The following DR1 variants were observed in gnomAD, a reference collection of about 807,000 sequenced individuals.
DR1 encodes the protein down-regulator of transcription 1, also known as protein Dr1.
In DR1, 7 loss-of-function variants were observed where a neutral mutation model predicts 19.9. That is an observed-to-expected ratio of 0.35 (90% CI 0.20 to 0.66). DR1 has a LOEUF of 0.66. Among genes scored for constraint, DR1 ranks in the 30% least tolerant of loss-of-function variants. DR1 has a pLI of 0.66. For missense variants in DR1, 98 were observed against 203.7 expected (o/e 0.48, Z 3.16); for synonymous variants, 76 against 72.5 (o/e 1.05, Z -0.24).
chr1:93,354,422 G>A (rs932902510), intron 2 of DR1, among the ~76,000 whole-genome samples: 11 of 152,084 alleles, frequency 7.2e-5, no homozygotes, highest in Non-Finnish European at 4.4e-5. Context: ...TGACATACCA[G>A]CAAAATCTGA....
Position 93,365,829 on chromosome 1 carries a change from T to C in DR1, c.*5190T>C, listed in dbSNP as rs1667121625. 6.6e-6 allele frequency: 1 copy of C among 152,364 alleles called. No homozygotes were observed. The highest frequency in any genetic ancestry group is 1.5e-5 in the Non-Finnish European group (1 of 68,040). 9.4% of individuals were successfully genotyped at this position (152,364 alleles called of 1,614,324 possible). A position where few individuals can be genotyped will look rare whatever the true frequency, so the allele number is the denominator to read the frequency against. On this transcript the variant is annotated 3_prime_UTR_variant, in exon 3 of 3. Coordinates refer to ENST00000370272, the MANE Select transcript of DR1 (RefSeq NM_001938.3). ...ATAAATCTCTGTACCTGCTTGCTGCTTTTCTACCTCATTGTTAGCCACACC... is the reference window on the plus strand; with the variant it reads ...ATAAATCTCTGTACCTGCTTGCTGCCTTTCTACCTCATTGTTAGCCACACC...
rs1412865390 is a variant in DR1, at chr1:93,364,939, C to A, written c.*4300C>A. 1 of 148,450 alleles carries A rather than the reference C, an allele frequency of 6.7e-6. No individual in the cohort carries two copies. The highest frequency in any genetic ancestry group is 6.8e-5 in the Admixed American group (1 of 14,626). The allele number at this position is 148,450 out of a possible 1,614,324, so 9.2% of individuals were successfully genotyped here. A position where few individuals can be genotyped will look rare whatever the true frequency, so the allele number is the denominator to read the frequency against. ...CGCGATCTCGGCTCACTGCAAGCTC[C>A]GCCTCCCGGGTTCACGCCATTCTCC... is the stretch of plus-strand genomic sequence containing the variant. On this transcript the variant is annotated 3_prime_UTR_variant, in exon 3 of 3. Coordinates refer to ENST00000370272, the MANE Select transcript of DR1 (RefSeq NM_001938.3).
Position 93,360,772 on chromosome 1 carries a change from T to C in DR1, c.*133T>C. 6.0e-6 allele frequency: 6 copies of C among 998,828 alleles called. No individual in the cohort carries two copies. Among genetic ancestry groups the C allele is most frequent in the Non-Finnish European group, 8.6e-6 (6 of 697,678 alleles). 61.9% of individuals were successfully genotyped at this position (998,828 alleles called of 1,614,324 possible). A position where few individuals can be genotyped will look rare whatever the true frequency, so the allele number is the denominator to read the frequency against. ...TCATTGGTATTCTAGGGATGTCTGC[T>C]ATTAAGTTTCATCTATTGTGTGCTA... is the stretch of plus-strand genomic sequence containing the variant. On this transcript the variant is annotated 3_prime_UTR_variant, in exon 3 of 3. Coordinates refer to ENST00000370272, the MANE Select transcript of DR1 (RefSeq NM_001938.3).
Position 93,348,778 on chromosome 1 carries a change from A to G in DR1, c.220+1913A>G, listed in dbSNP as rs3767961. ...TTACCTTTTTTTCTTGTATTATGCT[A>G]TTCTTAAAAGTGGTTAAGAATCTAC... On this transcript the variant is annotated intron_variant, in intron 1 of 2. Transcript: ENST00000370272. Among the ~76,000 whole-genome samples the G allele has an allele frequency of 2.4e-4, 36 of 152,112 alleles. 1 individual carries two copies. In the East Asian group the frequency reaches 6.2e-3, roughly 26 times the overall value.
intron 2 of DR1, among the ~76,000 whole-genome samples, chr1:93,358,937 C>T (rs534392006): frequency 5.5e-4 from 84 of 152,212 alleles, no homozygotes; most frequent in Admixed American, 1.6e-3. Flanking sequence ...CAGGAAATTT[C>T]ACATAGGATG....
At position 93,363,469 on chromosome 1, in the gene DR1, T is replaced by C. The variant is rs1415213676; in HGVS notation, c.*2830T>C. 1 of 152,196 alleles carries C rather than the reference T, an allele frequency of 6.6e-6. No individual in the cohort carries two copies. Among genetic ancestry groups the C allele is most frequent in the East Asian group, 1.9e-4 (1 of 5,200 alleles). 9.4% of individuals were successfully genotyped at this position (152,196 alleles called of 1,614,324 possible). ...CAAAGTATCAGCAGGGTTGGCTCTT[T>C]ATTGAGGTTGTGAGGGAGAATGTTT... is the stretch of plus-strand genomic sequence containing the variant. On this transcript the variant is annotated 3_prime_UTR_variant, in exon 3 of 3. Transcript: ENST00000370272.
Position 93,367,346 on chromosome 1 carries a change from C to T in DR1, c.*6707C>T, listed in dbSNP as rs1220028085. On this transcript the variant is annotated 3_prime_UTR_variant, in exon 3 of 3. Transcript: ENST00000370272. ...GGGCTTGCTGAGTGCTTTCATACTG[C>T]ATCATTTATTGTGCATTTGTATGAT... 1.3e-5 allele frequency: 2 copies of T among 152,112 alleles called. No homozygotes were observed. Among genetic ancestry groups the T allele is most frequent in the African/African-American group, 2.4e-5 (1 of 41,410 alleles). The allele number at this position is 152,112 out of a possible 1,614,324, so 9.4% of individuals were successfully genotyped here.
chr1:93,351,645 A>G (rs1666914171), intron 1 of DR1, among the ~76,000 whole-genome samples: 1 of 151,960 alleles, frequency 6.6e-6, no homozygotes, highest in Admixed American at 6.6e-5. Context: ...CATGTGGGCC[A>G]GGCTTGTCTC....
rs1232879672 is a variant in DR1 at position 93,353,215 on chromosome 1, A to G, written c.221-693A>G. ...TAGCCCATTTTTTTTTCCTTATAAA[A>G]TTTCCTTTCTAAATACGAAAAGGGG... On this transcript the variant is annotated intron_variant, in intron 1 of 2. Coordinates refer to ENST00000370272, the MANE Select transcript of DR1 (RefSeq NM_001938.3). Among the ~76,000 whole-genome samples the G allele has an allele frequency of 2.0e-5, 3 of 152,150 alleles. No individual in the cohort carries two copies. The South Asian group carries it at 6.2e-4, about 32-fold the overall frequency.
chr1:93,350,600 A>G (rs1666903160), intron 1 of DR1, among the ~76,000 whole-genome samples: 2 of 152,214 alleles, frequency 1.3e-5, no homozygotes, highest in Non-Finnish European at 2.9e-5. Context: ...GTAAAATAAG[A>G]TAAGCCTATA....
chr1:93,356,792 G>C (rs771458), intron 2 of DR1, among the ~76,000 whole-genome samples: 30,788 of 150,982 alleles, frequency 0.2, 3,415 homozygotes, highest in East Asian at 0.31. Flanking sequence ...TGCTATCTCG[G>C]CTCATTGCAA....
At position 93,346,084 on chromosome 1, in the gene DR1, C is replaced by CCAGCAGCGGCAGCGGCAG. The variant is rs1666829202; in HGVS notation, c.-560_-543dup. 4.7e-6 allele frequency: 1 copy of CCAGCAGCGGCAGCGGCAG among 212,486 alleles called. No individual in the cohort carries two copies. Among genetic ancestry groups the CCAGCAGCGGCAGCGGCAG allele is most frequent in the Non-Finnish European group, 9.3e-6 (1 of 107,504 alleles). 13.2% of individuals were successfully genotyped at this position (212,486 alleles called of 1,614,324 possible). On this transcript the variant is annotated 5_prime_UTR_variant, in exon 1 of 3. Coordinates refer to ENST00000370272, the MANE Select transcript of DR1 (RefSeq NM_001938.3). ...TAGTTCCCAGGCGGCCGTCGCCGTT[C>CCAGCAGCGGCAGCGGCAG]CAGCAGCGGCAGCGGCAGCGGCAGC...
intron 1 of DR1, among the ~76,000 whole-genome samples, chr1:93,350,738 C>G (rs1666904849): frequency 6.6e-6 from 1 of 151,942 alleles, no homozygotes; most frequent in East Asian, 1.9e-4. Flanking sequence ...ACACCATGGA[C>G]TTTTCTGGTT....
intron 1 of DR1, among the ~76,000 whole-genome samples, chr1:93,350,279 AAG>A (rs1666900479): frequency 6.6e-6 from 1 of 152,158 alleles, no homozygotes; most frequent in South Asian, 2.1e-4. Context: ...ATTGTTGTCC[AAG>A]ATTTCCAGTA....
rs1666836973 is a variant in DR1 at position 93,346,346 on chromosome 1, G to T, written c.-300G>T. 2.4e-6 allele frequency: 1 copy of T among 417,786 alleles called. No homozygotes were observed. The highest frequency in any genetic ancestry group is 3.7e-5 in the Admixed American group (1 of 27,014). The allele number at this position is 417,786 out of a possible 1,614,324, so 25.9% of individuals were successfully genotyped here. On this transcript the variant is annotated 5_prime_UTR_variant, in exon 1 of 3. In the 5' UTR this introduces an upstream ATG that the reference lacks. Transcript: ENST00000370272. ...GCCCGCCCCTCTGAGGAGACACGAA[G>T]GTGGTTCCCCAGCCGCTCAAATTTC...
chr1:93,357,203 T>C (rs1666997393), intron 2 of DR1, among the ~76,000 whole-genome samples: 3 of 152,242 alleles, frequency 2.0e-5, no homozygotes, highest in Non-Finnish European at 4.4e-5. Flanking sequence ...GAAGTTTTTG[T>C]TTACTGTAAA....
rs1362327004 is a variant in DR1, at chr1:93,363,983, G to A, written c.*3344G>A. The A allele has an allele frequency of 1.3e-5, 2 of 152,196 alleles. No homozygotes were observed. The highest frequency in any genetic ancestry group is 2.9e-5 in the Non-Finnish European group (2 of 68,024). The allele number at this position is 152,196 out of a possible 1,614,324, so 9.4% of individuals were successfully genotyped here. On this transcript the variant is annotated 3_prime_UTR_variant, in exon 3 of 3. Transcript: ENST00000370272. Reference sequence around the variant, plus strand: ...TTCTTATACATGTCTTTTGGTGAGTGTATACATTTCCATTGAGTATAAACC... The same window carrying A: ...TTCTTATACATGTCTTTTGGTGAGTATATACATTTCCATTGAGTATAAACC...
rs1184365300 is a variant in DR1, at chr1:93,366,372, CTGTT to C, written c.*5736_*5739del. Reference sequence around the variant, plus strand: ...TCTGTGAACGTGGGTATACAAATAACTGTTTGAGTCCTAATAGGCTTGTTATTTT... The same window carrying C: ...TCTGTGAACGTGGGTATACAAATAACTGAGTCCTAATAGGCTTGTTATTTT... On this transcript the variant is annotated 3_prime_UTR_variant, in exon 3 of 3. Transcript: ENST00000370272. The C allele has an allele frequency of 1.3e-5, 2 of 152,168 alleles. No homozygotes were observed. The highest frequency in any genetic ancestry group is 4.8e-5 in the African/African-American group (2 of 41,450). The allele number at this position is 152,168 out of a possible 1,614,324, so 9.4% of individuals were successfully genotyped here.
At chr1:93,348,361 T>G (rs763394395) in intron 1 of DR1, among the ~76,000 whole-genome samples, 2 of 152,162 alleles carry the variant, frequency 1.3e-5, no homozygotes, top group African/African-American at 4.8e-5. Context: ...CAGATAGCTA[T>G]AATTTCTTTT....
Sources: gnomAD v4.1 joint callset for allele counts (sites outside exome capture counted in the v4.1 genomes callset) on GRCh38, gnomAD v4.1.1 for gene constraint, MANE v1.5 for transcripts, NCBI Gene and HGNC (gene_info 2026-07-23, HGNC 2026-07-21) for gene names.